The following CTBP2 variants were observed in gnomAD, a reference collection of about 807,000 sequenced individuals.
CTBP2 encodes C-terminal binding protein 2.
In CTBP2, 30 loss-of-function variants were observed where a neutral mutation model predicts 80.3. The observed-to-expected ratio is 0.37, with a 90% CI of 0.28 to 0.51. CTBP2 has a LOEUF of 0.51. Ranked by LOEUF, CTBP2 falls within the 20% of genes least tolerant of loss-of-function variation. The pLI, the probability that CTBP2 is intolerant of heterozygous loss-of-function variation, is 0.93. For missense variants in CTBP2, 1,212 were observed against 1,375.3 expected, an observed-to-expected ratio of 0.88 and a Z score of 1.88; for synonymous variants, 594 against 587.4, an observed-to-expected ratio of 1.01 and a Z score of -0.16.
intron 4 of CTBP2, 50 bp downstream of exon 6, chr10:124,997,914 C>A (rs1953855243): frequency 8.9e-6 from 14 of 1,568,362 alleles, no homozygotes; most frequent in Non-Finnish European, 1.2e-5. Context: ...CCCACTACAC[C>A]AGCCCCAGTG....
chr10:124,987,196 G>T lies in CTBP2; in HGVS notation c.*2322C>A, dbSNP rs78159028. 1 of 152,448 alleles carries T rather than the reference G, an allele frequency of 6.6e-6. No homozygotes were observed. Among genetic ancestry groups the T allele is most frequent in the African/African-American group, 2.4e-5 (1 of 41,364 alleles). 9.4% of individuals were successfully genotyped at this position (152,448 alleles called of 1,614,324 possible). Reference sequence around the variant, plus strand: ...CAGCCATAATTATTGTCCCAAGATAGAATATAGTCCTTTTTCAAAGATGAT... The same window carrying T: ...CAGCCATAATTATTGTCCCAAGATATAATATAGTCCTTTTTCAAAGATGAT... On this transcript the variant is annotated 3_prime_UTR_variant, in exon 9 of 9. Coordinates refer to ENST00000309035, the MANE Select transcript of CTBP2 (RefSeq NM_022802.3).
chr10:124,996,907 C>T (rs1422712234), intron 4 of CTBP2: 1 of 152,296 alleles, frequency 6.6e-6, no homozygotes, highest in Non-Finnish European at 1.5e-5. Flanking sequence ...CACTTCAACT[C>T]AGACTCCAGG....
chr10:125,026,202 C>T lies in CTBP2; in HGVS notation c.1558G>A (p.Gly520Arg), dbSNP rs200289828. The change falls in exon 1 of 9, where the codon GGG (glycine) becomes AGG (arginine). Residue 520 changes from glycine (G) to arginine (R), a missense_variant. Physicochemically the swap from Gly to Arg is moderately radical, Grantham distance 125 (BLOSUM62 -2). This residue lies in a region of CTBP2 where 848 missense variants were observed against 782.3 expected (regional missense o/e 1.08). Coordinates refer to ENST00000309035, the MANE Select transcript of CTBP2 (RefSeq NM_022802.3). ...CTGGCCGGCGGCAGGGTGGATGGCC[C>T]CAGGGGTGCACCTGGCTTCCGCAAG... The T allele has an allele frequency of 1.0e-4, 164 of 1,613,284 alleles. No homozygotes were observed. Among genetic ancestry groups the T allele is most frequent in the Admixed American group, 7.8e-4 (47 of 59,978 alleles).
At chr10:125,023,966 CG>C (rs1442104034) in intron 1 of CTBP2, among the ~76,000 whole-genome samples, 1 of 152,162 alleles carries the variant, frequency 6.6e-6, no homozygotes, top group African/African-American at 2.4e-5. Flanking sequence ...GGCACCAGAA[CG>C]AAGATGCGTT....
intron 2 of CTBP2, among the ~76,000 whole-genome samples, chr10:125,046,166 C>G (rs67279759): frequency 0.28 from 41,976 of 152,014 alleles, 6,115 homozygotes; most frequent in Admixed American, 0.36. Flanking sequence ...GACCCAACTG[C>G]ATTAAGAAAG....
intron 2 of CTBP2, among the ~76,000 whole-genome samples, chr10:125,041,517 C>CT (rs1256044393): frequency 7.7e-6 from 1 of 129,752 alleles, no homozygotes; most frequent in South Asian, 3.0e-4. Flanking sequence ...CCCCCCCCCC[C>CT]CACCCACAAG....
At position 125,022,212 on chromosome 10, in the gene CTBP2, G is replaced by A. The variant is rs9663560; in HGVS notation, c.1678+3870C>T. Reference sequence around the variant, plus strand: ...CTTCCCTGCCGGTGCACACACATGCGCTGTAGGGACGCTCTTCCAAGCATA... The same window carrying A: ...CTTCCCTGCCGGTGCACACACATGCACTGTAGGGACGCTCTTCCAAGCATA... On this transcript the variant is annotated intron_variant, in intron 1 of 8. Coordinates refer to ENST00000309035, the MANE Select transcript of CTBP2 (RefSeq NM_022802.3). 5.6e-3 allele frequency among the ~76,000 whole-genome samples: 857 copies of A among 152,010 alleles called. 8 individuals are homozygous for A. Among genetic ancestry groups the A allele is most frequent in the African/African-American group, 0.019 (802 of 41,460 alleles).
chr10:125,026,066 G>C (rs200963665), intron 1 of CTBP2: 1 of 1,546,584 alleles, frequency 6.5e-7, no homozygotes, highest in East Asian at 2.3e-5. Context: ...CAGGGCAGGC[G>C]GGGAGGATGT....
chr10:125,107,216 CCTGA>C (rs541446928), intron 2 of CTBP2, among the ~76,000 whole-genome samples: 12 of 152,216 alleles, frequency 7.9e-5, no homozygotes, highest in Non-Finnish European at 1.3e-4. Context: ...ATCTCAGCCT[CCTGA>C]CTGTTTCTCA....
At chr10:125,108,105 C>G (rs1188245516) in intron 2 of CTBP2, among the ~76,000 whole-genome samples, 1 of 152,222 alleles carries the variant, frequency 6.6e-6, no homozygotes, top group Admixed American at 6.5e-5. Context: ...GCACATTGAG[C>G]TTTCATTCTG....
chr10:125,084,535 C>A (rs7068152), intron 2 of CTBP2, among the ~76,000 whole-genome samples: 13,452 of 152,106 alleles, frequency 0.088, 640 homozygotes, highest in Middle Eastern at 0.17. Flanking sequence ...GAAGGGAGGG[C>A]GTGAGGAGGT....
chr10:125,157,030 C>T (rs1861040177), intron 1 of CTBP2, among the ~76,000 whole-genome samples: 2 of 152,186 alleles, frequency 1.3e-5, no homozygotes, highest in Non-Finnish European at 2.9e-5. Context: ...AATATCTCAC[C>T]AAGTATGTCA....
rs1174584669 is a variant in CTBP2 at position 124,987,667 on chromosome 10, T to G, written c.*1851A>C. 1 of 152,110 alleles carries G rather than the reference T, an allele frequency of 6.6e-6. No homozygotes were observed. The highest frequency in any genetic ancestry group is 2.4e-5 in the African/African-American group (1 of 41,418). 9.4% of individuals were successfully genotyped at this position (152,110 alleles called of 1,614,324 possible). On this transcript the variant is annotated 3_prime_UTR_variant, in exon 9 of 9. Transcript: ENST00000309035. ...ATGTGAGCTTGTGTTAATAGACACTTTTATGGTAGAGTTGGGATGGGGCCA... is the reference window on the plus strand; with the variant it reads ...ATGTGAGCTTGTGTTAATAGACACTGTTATGGTAGAGTTGGGATGGGGCCA...
intron 1 of CTBP2, among the ~76,000 whole-genome samples, chr10:125,025,892 C>T (rs1431228844): frequency 6.6e-6 from 1 of 152,236 alleles, no homozygotes; most frequent in Non-Finnish European, 1.5e-5. Flanking sequence ...TCTGGCCTGA[C>T]ACACAAATCT....
chr10:125,150,714 G>T (rs1167143493), intron 1 of CTBP2, among the ~76,000 whole-genome samples: 1 of 150,438 alleles, frequency 6.6e-6, no homozygotes, highest in Non-Finnish European at 1.5e-5. Context: ...CAGGTGTCTG[G>T]CCTTTTCCCG....
upstream of CTBP2, among the ~76,000 whole-genome samples, chr10:125,031,264 G>A (rs2913113): frequency 0.44 from 66,825 of 151,784 alleles, 15,241 homozygotes; most frequent in East Asian, 0.63. Context: ...TGAGTGGGGC[G>A]GATCACCTGA....
At chr10:125,138,162 C>G (rs758378095) in intron 1 of CTBP2, 2 of 152,376 alleles carry the variant, frequency 1.3e-5, no homozygotes, top group East Asian at 3.9e-4. Flanking sequence ...GTCCCGGTGC[C>G]TCCTCCCACC....
At chr10:125,147,902 A>G (rs1013632882) in intron 1 of CTBP2, among the ~76,000 whole-genome samples, 11 of 147,186 alleles carry the variant, frequency 7.5e-5, no homozygotes, top group East Asian at 3.9e-4. Context: ...CCATCTCGGG[A>G]AAAAAAAAAA....
intron 1 of CTBP2, among the ~76,000 whole-genome samples, chr10:125,016,703 C>G (rs987939005): frequency 1.3e-5 from 2 of 152,258 alleles, no homozygotes; most frequent in South Asian, 2.1e-4. Context: ...CGCCCAGGCC[C>G]AGCTCACAGC....
Sources: allele counts gnomAD v4.1 joint callset (sites outside exome capture counted in the v4.1 genomes callset), GRCh38; gene constraint gnomAD v4.1.1; regional missense constraint gnomAD v4.1.1; transcripts MANE v1.5; gene names NCBI Gene and HGNC (gene_info 2026-07-23, HGNC 2026-07-21).